The following PPP3CA variants were observed in gnomAD, a reference collection of about 807,000 sequenced individuals.
PPP3CA encodes protein phosphatase 3 catalytic subunit alpha.
PPP3CA carries 14 observed loss-of-function variants against 66.5 expected under a neutral mutation model. That is an observed-to-expected ratio of 0.21 (90% CI 0.14 to 0.33). The LOEUF (loss-of-function observed/expected upper bound fraction) is 0.33. Among genes scored for constraint, PPP3CA ranks in the 10% least tolerant of loss-of-function variants. The pLI, the probability that PPP3CA is intolerant of heterozygous loss-of-function variation, is 1.00. For missense variants in PPP3CA, 317 were observed against 639.5 expected, an observed-to-expected ratio of 0.50 and a Z score of 5.44; for synonymous variants, 232 against 226.2, an observed-to-expected ratio of 1.03 and a Z score of -0.23.
chr4:101,071,632 G>A (rs376576593), intron 8 of PPP3CA, among the ~76,000 whole-genome samples: 21 of 152,256 alleles, frequency 1.4e-4, no homozygotes, highest in African/African-American at 5.1e-4. Context: ...CTTTTCAGCT[G>A]GTGGCAGAAG....
chr4:101,184,501 T>TA (rs906278287), intron 2 of PPP3CA, among the ~76,000 whole-genome samples: 31 of 151,998 alleles, frequency 2.0e-4, no homozygotes, highest in South Asian at 6.2e-4. Context: ...AAAGACTTAG[T>TA]AAAAAAAAGA....
At chr4:101,065,265 AG>A (rs1728634242) in intron 8 of PPP3CA, among the ~76,000 whole-genome samples, 2 of 152,078 alleles carry the variant, frequency 1.3e-5, no homozygotes. Flanking sequence ...GTGCTACCAG[AG>A]TTCTAGCTCC....
intron 2 of PPP3CA, among the ~76,000 whole-genome samples, chr4:101,118,335 CTT>C (rs1721913187): frequency 6.6e-6 from 1 of 152,052 alleles, no homozygotes; most frequent in Admixed American, 6.6e-5. Flanking sequence ...GCTAATCTCT[CTT>C]TATCTGTTTC....
intron 1 of PPP3CA, among the ~76,000 whole-genome samples, chr4:101,282,358 G>C (rs1201324106): frequency 6.6e-6 from 1 of 152,322 alleles, no homozygotes; most frequent in East Asian, 1.9e-4. Flanking sequence ...GTGATGGACA[G>C]ACCTCACTAC....
At chr4:101,204,862 T>C (rs1044213543) in intron 1 of PPP3CA, among the ~76,000 whole-genome samples, 1 of 151,540 alleles carries the variant, frequency 6.6e-6, no homozygotes, top group Admixed American at 6.6e-5. Flanking sequence ...AAATATATAA[T>C]TGAAGAATTG....
chr4:101,230,720 G>T (rs917115791), intron 1 of PPP3CA, among the ~76,000 whole-genome samples: 4 of 151,504 alleles, frequency 2.6e-5, no homozygotes, highest in African/African-American at 9.7e-5. Context: ...TGCCTGCATA[G>T]GTAAAGTCTA....
Position 101,071,621 on chromosome 4 carries a change from C to G in PPP3CA, c.956-8264G>C, listed in dbSNP as rs551684473. Among the ~76,000 whole-genome samples, 32 of 152,148 alleles carry G rather than the reference C, an allele frequency of 2.1e-4. No homozygotes were observed. In the South Asian group the frequency reaches 6.2e-3, roughly 30 times the overall value. On this transcript the variant is annotated intron_variant, in intron 8 of 13. Coordinates refer to ENST00000394854, the MANE Select transcript of PPP3CA (RefSeq NM_000944.5). ...CTTTAAGATGGATTTTTTGATTGACCCTTTTCAGCTGGTGGCAGAAGAGCA... is the reference window on the plus strand; with the variant it reads ...CTTTAAGATGGATTTTTTGATTGACGCTTTTCAGCTGGTGGCAGAAGAGCA...
intron 1 of PPP3CA, among the ~76,000 whole-genome samples, chr4:101,285,227 G>C (rs936325332): frequency 6.6e-6 from 1 of 151,622 alleles, no homozygotes; most frequent in Non-Finnish European, 1.5e-5. Context: ...TATTAATTTT[G>C]ACATAAAGGA....
chr4:101,030,676 TA>T (rs1207746910), intron 12 of PPP3CA, among the ~76,000 whole-genome samples: 3 of 152,190 alleles, frequency 2.0e-5, no homozygotes, highest in African/African-American at 7.2e-5. Flanking sequence ...TTAAGTAACG[TA>T]AGTTTAAAAG....
chr4:101,139,698 T>G (rs113745123), intron 2 of PPP3CA, among the ~76,000 whole-genome samples: 27 of 117,680 alleles, frequency 2.3e-4, no homozygotes, highest in Admixed American at 5.5e-4. Context: ...TTTTTTGTGT[T>G]TTTTTTTTTT....
chr4:101,099,031 G>T (rs964087848), intron 4 of PPP3CA, among the ~76,000 whole-genome samples: 2 of 152,066 alleles, frequency 1.3e-5, no homozygotes, highest in African/African-American at 4.8e-5. Flanking sequence ...ATATTGATAT[G>T]TATAGAGAGA....
chr4:101,131,228 C>T (rs1460735607), intron 2 of PPP3CA, among the ~76,000 whole-genome samples: 1 of 141,724 alleles, frequency 7.1e-6, no homozygotes, highest in African/African-American at 2.8e-5. Flanking sequence ...AAAAGTGAGA[C>T]TCCGTCTCAA....
chr4:101,308,289 T>C (rs1400644757), intron 1 of PPP3CA, among the ~76,000 whole-genome samples: 1 of 152,194 alleles, frequency 6.6e-6, no homozygotes, highest in East Asian at 1.9e-4. Context: ...TGAATAGACC[T>C]GACCCAAAGT....
chr4:101,311,733 T>C (rs776007546), intron 1 of PPP3CA, among the ~76,000 whole-genome samples: 2 of 152,174 alleles, frequency 1.3e-5, no homozygotes, highest in African/African-American at 4.8e-5. Flanking sequence ...TGATCTGAGA[T>C]CGTGCCACTG....
At chr4:101,279,369 C>T (rs980646708) in intron 1 of PPP3CA, among the ~76,000 whole-genome samples, 1 of 152,008 alleles carries the variant, frequency 6.6e-6, no homozygotes, top group Non-Finnish European at 1.5e-5. Context: ...AAGTAACAGG[C>T]AGGAGAAAGG....
chr4:101,152,974 G>C (rs772182032), intron 2 of PPP3CA, among the ~76,000 whole-genome samples: 1 of 152,164 alleles, frequency 6.6e-6, no homozygotes, highest in Non-Finnish European at 1.5e-5. Context: ...GGTGAGTAAG[G>C]TTTATCTGGG....
intron 1 of PPP3CA, among the ~76,000 whole-genome samples, chr4:101,329,141 T>C (rs1309051287): frequency 6.6e-6 from 1 of 152,088 alleles, no homozygotes; most frequent in Non-Finnish European, 1.5e-5. Context: ...AAGTTGTGAA[T>C]GCAAAGGAAA....
At chr4:101,189,100 G>T (rs1257370173) in intron 2 of PPP3CA, among the ~76,000 whole-genome samples, 1 of 151,984 alleles carries the variant, frequency 6.6e-6, no homozygotes, top group African/African-American at 2.4e-5. Flanking sequence ...GCTCCACTAA[G>T]AAGACAGAAA....
intron 2 of PPP3CA, among the ~76,000 whole-genome samples, chr4:101,173,821 T>C (rs1319060709): frequency 1.3e-5 from 2 of 152,048 alleles, no homozygotes; most frequent in Admixed American, 6.6e-5. Context: ...TAGGCCAAGG[T>C]AGGAGGATCA....
Sources: gnomAD v4.1 joint callset for allele counts (sites outside exome capture counted in the v4.1 genomes callset) on GRCh38, gnomAD v4.1.1 for gene constraint, MANE v1.5 for transcripts, NCBI Gene and HGNC (gene_info 2026-07-23, HGNC 2026-07-21) for gene names.